The following LYSMD1 variants were observed in gnomAD, a reference collection of about 807,000 sequenced individuals.
LYSMD1 encodes the protein lysM and putative peptidoglycan-binding domain-containing protein 1.
A neutral mutation model predicts 19.3 loss-of-function variants in LYSMD1; 9 were observed. The ratio of observed to expected loss-of-function variants is 0.47; its 90% CI spans 0.28 to 0.81. LYSMD1 has a LOEUF of 0.81. Ranked by LOEUF, LYSMD1 falls within the 40% of genes least tolerant of loss-of-function variation. The pLI is 0.11. For synonymous variants in LYSMD1, 111 were observed against 111.7 expected, an observed-to-expected ratio of 0.99 and a Z score of 0.04; for missense variants, 262 against 279.8, an observed-to-expected ratio of 0.94 and a Z score of 0.45.
At chr1:151,153,861 G>A in the LYSMD1 span, among the ~76,000 whole-genome samples, 1 of 151,296 alleles carries the variant, frequency 6.6e-6, no homozygotes, top group Non-Finnish European at 1.5e-5. Context: ...GGCTGAGGCA[G>A]AGAATCAGTT....
chr1:151,153,411 T>C, the LYSMD1 span, among the ~76,000 whole-genome samples: 1 of 151,888 alleles, frequency 6.6e-6, no homozygotes, highest in East Asian at 1.9e-4. Context: ...TCCCAGCACT[T>C]TGGGAGGTCG....
At chr1:151,158,609 C>T, downstream of LYSMD1, 2 of 1,252,944 alleles carry the variant, frequency 1.6e-6, no homozygotes, top group Non-Finnish European at 1.1e-6. Context: ...AAAGAAGCAA[C>T]AGAAAAGGGA....
At chr1:151,164,994 G>T in intron 1 of LYSMD1, 85 bp downstream of exon 1, 1 of 1,157,390 alleles carries the variant, frequency 8.6e-7, no homozygotes, top group South Asian at 1.4e-5. Flanking sequence ...CATTTCAGGG[G>T]AGGTTACCTA....
At chr1:151,159,209 T>C (rs752245874), downstream of LYSMD1, 3 of 1,614,100 alleles carry the variant, frequency 1.9e-6, no homozygotes, top group Non-Finnish European at 2.5e-6. Flanking sequence ...CTTGGCAAGA[T>C]CTGTGACGGA....
downstream of LYSMD1, chr1:151,159,009 T>C: frequency 6.2e-7 from 1 of 1,614,276 alleles, no homozygotes; most frequent in East Asian, 2.2e-5. Flanking sequence ...CACTTAGCTT[T>C]GGTGAGGTAG....
the LYSMD1 span, among the ~76,000 whole-genome samples, chr1:151,154,055 C>T: frequency 6.6e-6 from 1 of 152,068 alleles, no homozygotes. Context: ...TACCATTTTC[C>T]CCTCATATCC....
At chr1:151,158,063 G>A (rs898111054), downstream of LYSMD1, among the ~76,000 whole-genome samples, 21 of 152,174 alleles carry the variant, frequency 1.4e-4, no homozygotes, top group Non-Finnish European at 2.2e-4. Flanking sequence ...GGTGGCTCAC[G>A]CCTGTATTCC....
chr1:151,155,312 T>G (rs976603833), downstream of LYSMD1, among the ~76,000 whole-genome samples: 2 of 152,234 alleles, frequency 1.3e-5, no homozygotes, highest in African/African-American at 2.4e-5. Context: ...ACTCTCAAAA[T>G]TATTTAAATC....
the LYSMD1 span, among the ~76,000 whole-genome samples, chr1:151,153,513 G>A: frequency 6.6e-6 from 1 of 151,540 alleles, no homozygotes; most frequent in Non-Finnish European, 1.5e-5. Flanking sequence ...AAATTAGCTG[G>A]GCATGGTGGC....
chr1:151,155,999 T>C (rs1463152853), downstream of LYSMD1, among the ~76,000 whole-genome samples: 7 of 140,864 alleles, frequency 5.0e-5, no homozygotes, highest in African/African-American at 1.6e-4. Flanking sequence ...ACTTGGGAGG[T>C]TGAGGCAGGA....
the LYSMD1 span, among the ~76,000 whole-genome samples, chr1:151,149,558 T>C: frequency 6.6e-6 from 1 of 152,122 alleles, no homozygotes; most frequent in South Asian, 2.1e-4. Flanking sequence ...GAGACCAGCC[T>C]GGGCAACAAC....
chr1:151,153,986 TA>T, the LYSMD1 span, among the ~76,000 whole-genome samples: 2 of 150,560 alleles, frequency 1.3e-5, no homozygotes, highest in Non-Finnish European at 3.0e-5. Context: ...AGAGAGAAAA[TA>T]AAAGACTTCC....
At chr1:151,163,453 A>G (rs1683527923) in intron 1 of LYSMD1, among the ~76,000 whole-genome samples, 3 of 152,106 alleles carry the variant, frequency 2.0e-5, no homozygotes, top group Admixed American at 1.3e-4. Context: ...TATTACTTAT[A>G]ATTATGTAAT....
chr1:151,162,614 T>A (rs888327587), intron 1 of LYSMD1, among the ~76,000 whole-genome samples: 1 of 152,208 alleles, frequency 6.6e-6, no homozygotes. Context: ...CTATTAACAA[T>A]GTCATTAATA....
chr1:151,165,036 T>A (rs757976065), intron 1 of LYSMD1, 43 bp downstream of exon 1: 638 of 1,568,866 alleles, frequency 4.1e-4, no homozygotes, highest in Non-Finnish European at 5.4e-4. Flanking sequence ...CAGGACTAAA[T>A]CCCTCCTGAC....
chr1:151,152,215 G>A, the LYSMD1 span, among the ~76,000 whole-genome samples: 1 of 151,868 alleles, frequency 6.6e-6, no homozygotes, highest in Non-Finnish European at 1.5e-5. Flanking sequence ...GGCTAACATG[G>A]TGAAACCCCG....
chr1:151,162,183 G>C, intron 1 of LYSMD1, 83 bp from the exon 2 acceptor site: 1 of 1,306,458 alleles, frequency 7.7e-7, no homozygotes, highest in Non-Finnish European at 1.1e-6. Flanking sequence ...ACTGTACAGA[G>C]TCTTCTTTGA....
At chr1:151,161,533 T>A (rs1455869380) in intron 2 of LYSMD1, among the ~76,000 whole-genome samples, 1 of 151,578 alleles carries the variant, frequency 6.6e-6, no homozygotes, top group African/African-American at 2.4e-5. Context: ...CTGACTCCAA[T>A]AAGAACACAG....
At chr1:151,150,235 C>T in the LYSMD1 span, among the ~76,000 whole-genome samples, 3 of 152,174 alleles carry the variant, frequency 2.0e-5, no homozygotes, top group East Asian at 1.9e-4. Context: ...GGATTACCGG[C>T]GTCAGCCACC....
Sources: gnomAD v4.1 joint callset for allele counts (sites outside exome capture counted in the v4.1 genomes callset) on GRCh38, gnomAD v4.1.1 for gene constraint, MANE v1.5 for transcripts, NCBI Gene and HGNC (gene_info 2026-07-23, HGNC 2026-07-21) for gene names.